SSH1: variants seen among roughly 807,000 people sequenced by gnomAD.
The protein encoded by SSH1 is protein phosphatase Slingshot homolog 1.
A neutral mutation model predicts 79.7 loss-of-function variants in SSH1; 43 were observed. That is an observed-to-expected ratio of 0.54 (90% confidence interval 0.42 to 0.70). The LOEUF (loss-of-function observed/expected upper bound fraction) is 0.70, where lower values mean the gene tolerates loss of function less well. Ranked by LOEUF, SSH1 falls within the 30% of genes least tolerant of loss-of-function variation. The pLI, the probability that SSH1 is intolerant of heterozygous loss-of-function variation, is 0.00. For missense variants in SSH1, 1,206 were observed against 1,358.8 expected (o/e 0.89, Z 1.77); for synonymous variants, 599 against 538.3 (o/e 1.11, Z -1.56).
chr12:108,842,456 GACA>G (rs1367457194), intron 2 of SSH1, among the ~76,000 whole-genome samples: 2 of 152,182 alleles, frequency 1.3e-5, no homozygotes, highest in African/African-American at 2.4e-5. Flanking sequence ...GCAGGCTTGT[GACA>G]ACAAGATGAC....
Position 108,792,706 on chromosome 12 carries a change from C to A in SSH1, c.1473G>T (p.Gln491His). The change falls in exon 14 of 15, where the codon CAG becomes CAT. Residue 491 changes from glutamine (Q) to histidine (H), a missense_variant. Around this residue, in one of 5 missense-constraint regions of SSH1, gnomAD observed 709 missense variants for 730.6 expected, o/e 0.97. Transcript: ENST00000326495. Reference protein sequence around the residue: ...PETPDGTPESQLPFLDDAAQP... With the variant: ...PETPDGTPESHLPFLDDAAQP... ...GGGCGGCATCATCCAAGAAGGGCAGCTGGCTTTCCGGGGTGCCATCTGGGG... is the reference window on the plus strand; with the variant it reads ...GGGCGGCATCATCCAAGAAGGGCAGATGGCTTTCCGGGGTGCCATCTGGGG... 6.2e-7 allele frequency: 1 copy of A among 1,613,440 alleles called. No individual in the cohort carries two copies. The highest frequency in any genetic ancestry group is 2.2e-5 in the East Asian group (1 of 44,886).
In SSH1 at chr12:108,780,741, A is replaced by G. The variant is rs2036137343; in HGVS notation, c.*7247T>C. The G allele has an allele frequency of 6.6e-6, 1 of 152,194 alleles. No individual in the cohort carries two copies. The highest frequency in any genetic ancestry group is 2.1e-4 in the South Asian group (1 of 4,826). The allele number at this position is 152,194 out of a possible 1,614,324, so 9.4% of individuals were successfully genotyped here. A position where few individuals can be genotyped will look rare whatever the true frequency, so the allele number is the denominator to read the frequency against. On this transcript the variant is annotated 3_prime_UTR_variant, in exon 15 of 15. Transcript: ENST00000326495. ...GGCTGCATTATAGCTTGATAACACT[A>G]TTAGAAGCATCCTGTGGCTTGGCGC...
chr12:108,853,875 G>A (rs1385639425), intron 1 of SSH1, among the ~76,000 whole-genome samples: 1 of 150,690 alleles, frequency 6.6e-6, no homozygotes, highest in Non-Finnish European at 1.5e-5. Flanking sequence ...AGTGAGCCGA[G>A]ATTGCACCAC....
At chr12:108,853,655 G>A (rs1178094664) in intron 1 of SSH1, among the ~76,000 whole-genome samples, 2 of 152,194 alleles carry the variant, frequency 1.3e-5, no homozygotes, top group Non-Finnish European at 2.9e-5. Flanking sequence ...CCGGCGCAGT[G>A]GCTCACACCT....
At chr12:108,849,527 G>A (rs73193459) in intron 2 of SSH1, among the ~76,000 whole-genome samples, 21,530 of 151,972 alleles carry the variant, frequency 0.14, 1,945 homozygotes, top group Non-Finnish European at 0.21. Context: ...ATTGCACTCC[G>A]GCCTGGACAA....
In SSH1 at chr12:108,788,291, C is replaced by T; in HGVS notation, c.2847G>A (p.Gly949=). 1 of 1,613,626 alleles carries T rather than the reference C, an allele frequency of 6.2e-7. No individual in the cohort carries two copies. Among genetic ancestry groups the T allele is most frequent in the Non-Finnish European group, 8.5e-7 (1 of 1,179,956 alleles). Residue 949 remains glycine, a synonymous_variant, in exon 15 of 15, where the codon GGG becomes GGA. Transcript: ENST00000326495. Reference sequence around the variant, plus strand: ...TCTCCTGTGTCCGCTGCTTCACCAGCCCGGGCTTCCCACGGACACTGTGGA... The same window carrying T: ...TCTCCTGTGTCCGCTGCTTCACCAGTCCGGGCTTCCCACGGACACTGTGGA... The part of the protein sequence containing the change: ...DSIHSVRGKP[G]LVKQRTQEIE...
intron 7 of SSH1, 117 bp downstream of exon 7, chr12:108,809,576 C>T (rs565271009): frequency 2.0e-4 from 171 of 838,534 alleles, no homozygotes; most frequent in African/African-American, 1.9e-3. Context: ...ATGTATTTTG[C>T]GCCTCCCTCA....
intron 13 of SSH1, among the ~76,000 whole-genome samples, chr12:108,793,569 T>A (rs2036608212): frequency 1.3e-5 from 2 of 151,920 alleles, no homozygotes; most frequent in East Asian, 1.9e-4. Flanking sequence ...TTTTAAATTA[T>A]TTTTTTTGTA....
intron 3 of SSH1, 114 bp downstream of exon 3, chr12:108,823,144 C>T: frequency 2.0e-6 from 2 of 1,017,704 alleles, no homozygotes; most frequent in Admixed American, 2.0e-5. Context: ...CACTGCAAAC[C>T]TGCGTCCACT....
At chr12:108,852,550 T>C in intron 2 of SSH1, 88 bp downstream of exon 2, 1 of 1,559,016 alleles carries the variant, frequency 6.4e-7, no homozygotes, top group Middle Eastern at 1.7e-4. Flanking sequence ...ATATTCTTTT[T>C]GAACGTTTTC....
intron 13 of SSH1, among the ~76,000 whole-genome samples, chr12:108,794,869 G>T (rs1430251877): frequency 6.6e-6 from 1 of 151,648 alleles, no homozygotes; most frequent in South Asian, 2.1e-4. Flanking sequence ...TGGGGGGTGG[G>T]TGGGAAGGAA....
intron 10 of SSH1, among the ~76,000 whole-genome samples, chr12:108,803,370 A>G (rs1308815240): frequency 6.6e-6 from 1 of 151,752 alleles, no homozygotes; most frequent in Non-Finnish European, 1.5e-5. Context: ...GGGGGAAAAA[A>G]AAAAAGAAAA....
At chr12:108,827,229 G>A (rs1364450322) in intron 2 of SSH1, 2 of 1,523,428 alleles carry the variant, frequency 1.3e-6, no homozygotes, top group Non-Finnish European at 1.8e-6. Flanking sequence ...CCAAGCCATG[G>A]CAGGAAACCA....
At chr12:108,853,811 C>T (rs2039091536) in intron 1 of SSH1, among the ~76,000 whole-genome samples, 1 of 151,988 alleles carries the variant, frequency 6.6e-6, no homozygotes, top group Admixed American at 6.6e-5. Flanking sequence ...GTAATCCCAG[C>T]TACCTGGGAG....
chr12:108,810,725 C>T (rs778752396), intron 6 of SSH1, among the ~76,000 whole-genome samples: 1 of 152,254 alleles, frequency 6.6e-6, no homozygotes. Flanking sequence ...TGCCCACACA[C>T]CTTCCTTGGG....
intron 2 of SSH1, chr12:108,837,061 T>C (rs2038652847): frequency 2.3e-6 from 1 of 433,554 alleles, no homozygotes; most frequent in Non-Finnish European, 4.7e-6. Context: ...CAACACCCTA[T>C]TCTCTACTAA....
Position 108,853,331 on chromosome 12 carries a change from TGA to T in SSH1, c.70-655_70-654del, listed in dbSNP as rs1228708233. 4.1e-6 allele frequency: 4 copies of T among 985,206 alleles called. No homozygotes were observed. In the African/African-American group the frequency reaches 7.0e-5, roughly 17 times the overall value. 61.0% of individuals were successfully genotyped at this position (985,206 alleles called of 1,614,324 possible). On this transcript the variant is annotated intron_variant, in intron 1 of 14. Transcript: ENST00000326495. ...CGAGTTTGGGCTCCAGAAGTACCTA[TGA>T]CTTATTTTTATTTTTTTTCTTTCAG...
intron 12 of SSH1, among the ~76,000 whole-genome samples, chr12:108,800,226 AC>A (rs1287853638): frequency 2.6e-5 from 4 of 152,114 alleles, no homozygotes; most frequent in African/African-American, 9.7e-5. Context: ...TAAAATGAGC[AC>A]CAGAGACAGG....
chr12:108,821,414 TA>T lies in SSH1; in HGVS notation c.214+1843del, dbSNP rs879429154. On this transcript the variant is annotated intron_variant, in intron 3 of 14. Coordinates refer to ENST00000326495, the MANE Select transcript of SSH1 (RefSeq NM_018984.4). ...TCTCTAAAAAAACTTTTCATATAAT[TA>T]AAAAAAAAAAAAGAATGAAGGGTCT... Among the ~76,000 whole-genome samples the T allele has an allele frequency of 4.4e-3, 619 of 139,946 alleles. 1 individual carries two copies. Among genetic ancestry groups the T allele is most frequent in the African/African-American group, 5.8e-3 (222 of 38,236 alleles). The allele number at this position is 139,946 out of a possible 152,430, so 91.8% of individuals were successfully genotyped here.
Sources: allele counts gnomAD v4.1 joint callset (sites outside exome capture counted in the v4.1 genomes callset), GRCh38; gene constraint gnomAD v4.1.1; regional missense constraint gnomAD v4.1.1; transcripts MANE v1.5; gene names NCBI Gene and HGNC (gene_info 2026-07-23, HGNC 2026-07-21).